Variants in PREX2 observed in about 807,000 individuals in gnomAD.
PREX2 encodes the protein phosphatidylinositol 3,4,5-trisphosphate-dependent Rac exchanger 2 protein.
In PREX2, 107 loss-of-function variants were observed where a neutral mutation model predicts 203.2. The observed-to-expected ratio is 0.53, with a 90% confidence interval of 0.45 to 0.62. PREX2 has a LOEUF of 0.62. Ranked by LOEUF, PREX2 falls within the 20% of genes least tolerant of loss-of-function variation. PREX2 has a pLI of 0.00. For synonymous variants in PREX2, 672 were observed against 663.6 expected, an observed-to-expected ratio of 1.01 and a Z score of -0.19; for missense variants, 1,777 against 1,955.9, an observed-to-expected ratio of 0.91 and a Z score of 1.72.
chr8:68,126,858 C>G (rs867055984), intron 30 of PREX2, among the ~76,000 whole-genome samples: 2 of 151,600 alleles, frequency 1.3e-5, no homozygotes, highest in East Asian at 1.9e-4. Flanking sequence ...TATACACACA[C>G]GTATGTGTGT....
intron 35 of PREX2, among the ~76,000 whole-genome samples, chr8:68,174,579 T>C (rs1273400263): frequency 6.6e-6 from 1 of 152,128 alleles, no homozygotes; most frequent in Admixed American, 6.6e-5. Context: ...GCCACCACTT[T>C]CCCCACTGAG....
chr8:67,994,196 G>C (rs978815881), intron 1 of PREX2, among the ~76,000 whole-genome samples: 2 of 152,172 alleles, frequency 1.3e-5, no homozygotes, highest in Admixed American at 6.5e-5. Context: ...TCCAGTCCAA[G>C]GTCATAGGCT....
intron 22 of PREX2, among the ~76,000 whole-genome samples, chr8:68,098,249 T>C (rs1435594263): frequency 6.6e-6 from 1 of 152,206 alleles, no homozygotes; most frequent in Admixed American, 6.5e-5. Flanking sequence ...AGATGTAGCT[T>C]TCCTACCTTT....
intron 37 of PREX2, among the ~76,000 whole-genome samples, chr8:68,207,064 C>G (rs779076549): frequency 4.0e-5 from 6 of 151,888 alleles, no homozygotes; most frequent in Non-Finnish European, 8.8e-5. Context: ...AGGAAAATAT[C>G]GATAAATAAA....
At chr8:68,147,649 G>T (rs961499978) in intron 34 of PREX2, among the ~76,000 whole-genome samples, 1 of 152,184 alleles carries the variant, frequency 6.6e-6, no homozygotes, top group Non-Finnish European at 1.5e-5. Flanking sequence ...TCAGCAGCAT[G>T]AAAACAGACT....
At chr8:68,087,945 G>A in intron 19 of PREX2, 136 bp downstream of exon 19, 2 of 666,018 alleles carry the variant, frequency 3.0e-6, no homozygotes, top group South Asian at 1.9e-5. Flanking sequence ...TAACTCAATG[G>A]TAGCACATTC....
chr8:67,989,196 A>C (rs1239630893), intron 1 of PREX2, among the ~76,000 whole-genome samples: 1 of 152,228 alleles, frequency 6.6e-6, no homozygotes, highest in Non-Finnish European at 1.5e-5. Context: ...ATGCTAAAAT[A>C]AGTAGAAAAA....
At chr8:68,132,921 A>G (rs1811036592) in intron 31 of PREX2, among the ~76,000 whole-genome samples, 1 of 152,202 alleles carries the variant, frequency 6.6e-6, no homozygotes, top group Non-Finnish European at 1.5e-5. Flanking sequence ...TTCCGTTTGA[A>G]AAATCTCTAG....
intron 35 of PREX2, among the ~76,000 whole-genome samples, chr8:68,189,379 T>TAACTTGCTCTTTCACTCTGCCCC (rs1812251486): frequency 2.0e-5 from 3 of 152,206 alleles, no homozygotes; most frequent in Non-Finnish European, 2.9e-5. Context: ...CTCTCTGGCC[T>TAACTTGCTCTTTCACTCTGCCCC]AACTTGCTCT....
At position 68,138,347 on chromosome 8, in the gene PREX2, A is replaced by G. The variant is rs1400350796; in HGVS notation, c.3985-68A>G. ...CAAAGTTGTTTTGGTCTGAATTTAC[A>G]TTATGTCATGTTACGTTATATTGCT... On this transcript the variant is annotated intron_variant, in intron 32 of 39. Coordinates refer to ENST00000288368, the MANE Select transcript of PREX2 (RefSeq NM_024870.4). The G allele has an allele frequency of 1.9e-5, 15 of 805,108 alleles. No individual in the cohort carries two copies. The Admixed American group carries it at 3.6e-4, about 19-fold the overall frequency. 49.9% of individuals were successfully genotyped at this position (805,108 alleles called of 1,614,324 possible). A position where few individuals can be genotyped will look rare whatever the true frequency, so the allele number is the denominator to read the frequency against.
At chr8:68,002,401 T>C (rs1806968295) in intron 1 of PREX2, among the ~76,000 whole-genome samples, 1 of 152,098 alleles carries the variant, frequency 6.6e-6, no homozygotes, top group Admixed American at 6.6e-5. Flanking sequence ...CCTGCCTCGG[T>C]CTCCCAAAGT....
chr8:68,020,905 A>G (rs1041585043), intron 3 of PREX2, among the ~76,000 whole-genome samples: 1 of 152,082 alleles, frequency 6.6e-6, no homozygotes, highest in Non-Finnish European at 1.5e-5. Context: ...GGCTCATATC[A>G]TTTCTTGAGA....
At chr8:68,196,465 CTA>C (rs1019390898) in intron 37 of PREX2, among the ~76,000 whole-genome samples, 2 of 146,842 alleles carry the variant, frequency 1.4e-5, no homozygotes, top group African/African-American at 5.0e-5. Flanking sequence ...AATGGAGACA[CTA>C]TATATATGTA....
intron 1 of PREX2, among the ~76,000 whole-genome samples, chr8:67,970,241 G>A (rs1805889877): frequency 6.6e-6 from 1 of 152,058 alleles, no homozygotes; most frequent in Non-Finnish European, 1.5e-5. Context: ...TGGAGTCATA[G>A]CCTCTAAATT....
intron 35 of PREX2, among the ~76,000 whole-genome samples, chr8:68,161,297 G>A (rs1046225160): frequency 1.3e-5 from 2 of 151,918 alleles, no homozygotes; most frequent in African/African-American, 2.4e-5. Flanking sequence ...GTTTCACTAT[G>A]TTGGCCAGGC....
chr8:68,113,554 T>A (rs1417231197), intron 25 of PREX2, among the ~76,000 whole-genome samples: 1 of 152,186 alleles, frequency 6.6e-6, no homozygotes, highest in Admixed American at 6.5e-5. Flanking sequence ...CATCCATAGC[T>A]TTTGGTTATT....
At chr8:68,015,720 T>C (rs1807391736) in intron 1 of PREX2, among the ~76,000 whole-genome samples, 1 of 152,144 alleles carries the variant, frequency 6.6e-6, no homozygotes, top group Non-Finnish European at 1.5e-5. Flanking sequence ...TGGAATGAGA[T>C]TAAAGAACAT....
intron 8 of PREX2, among the ~76,000 whole-genome samples, chr8:68,051,871 T>C (rs535910963): frequency 1.1e-4 from 17 of 152,310 alleles, no homozygotes; most frequent in African/African-American, 3.6e-4. Context: ...TAATGTCTAA[T>C]GTCATTCTAT....
chr8:68,068,113 G>T (rs983203638), intron 11 of PREX2, among the ~76,000 whole-genome samples: 1 of 151,962 alleles, frequency 6.6e-6, no homozygotes, highest in Non-Finnish European at 1.5e-5. Context: ...ACTTGATTTG[G>T]TAGTATTTTG....
Sources: allele counts gnomAD v4.1 joint callset (sites outside exome capture counted in the v4.1 genomes callset), GRCh38; gene constraint gnomAD v4.1.1; transcripts MANE v1.5; gene names NCBI Gene and HGNC (gene_info 2026-07-23, HGNC 2026-07-21).